Variants in EPS15 observed in about 807,000 individuals in gnomAD.
EPS15 encodes epidermal growth factor receptor substrate 15.
EPS15 carries 72 observed loss-of-function variants against 113.8 expected under a neutral mutation model. The ratio of observed to expected loss-of-function variants is 0.63; its 90% confidence interval spans 0.52 to 0.77. EPS15 has a LOEUF of 0.77. Ranked by LOEUF, EPS15 falls within the 30% of genes least tolerant of loss-of-function variation. The probability of loss-of-function intolerance (pLI) is 0.00; values close to 1 mark genes in which losing one functional copy is unlikely to be tolerated. For missense variants in EPS15, 1,048 were observed against 1,045.8 expected (o/e 1.00, Z -0.03); for synonymous variants, 344 against 363.4 (o/e 0.95, Z 0.61).
At chr1:51,502,349 A>G (rs1330298160) in intron 1 of EPS15, among the ~76,000 whole-genome samples, 1 of 152,152 alleles carries the variant, frequency 6.6e-6, no homozygotes, top group African/African-American at 2.4e-5. Flanking sequence ...TTTTAAAAAA[A>G]CCCTTTCAAA....
At chr1:51,358,565 G>A (rs1337068556) in intron 24 of EPS15, among the ~76,000 whole-genome samples, 4 of 152,094 alleles carry the variant, frequency 2.6e-5, no homozygotes, top group African/African-American at 4.8e-5. Context: ...ACTTTGAAAC[G>A]TGTAATGCTT....
Position 51,409,646 on chromosome 1 carries a change from C to A in EPS15, c.1164G>T (p.Gln388His), listed in dbSNP as rs750518752. Residue 388 changes from glutamine (Q) to histidine (H), a missense_variant, in exon 14 of 25, where the codon CAG becomes CAT. Coordinates refer to ENST00000371733, the MANE Select transcript of EPS15 (RefSeq NM_001981.3). Reference sequence around the variant, plus strand: ...GTTCCTGTACCTGCTGTTTCTGGGCCTGTAGTTTTTGCAGATTAGTATTCT... The same window carrying A: ...GTTCCTGTACCTGCTGTTTCTGGGCATGTAGTTTTTGCAGATTAGTATTCT... ...QRENTNLQKL[Q>H]AQKQQVQELL... The A allele has an allele frequency of 6.2e-7, 1 of 1,613,452 alleles. No homozygotes were observed. Among genetic ancestry groups the A allele is most frequent in the Admixed American group, 1.7e-5 (1 of 59,900 alleles).
At chr1:51,494,522 T>G (rs963839305) in intron 1 of EPS15, among the ~76,000 whole-genome samples, 1 of 152,234 alleles carries the variant, frequency 6.6e-6, no homozygotes, top group African/African-American at 2.4e-5. Context: ...TCTAAAAACT[T>G]TTCTTTGATG....
chr1:51,400,046 A>T (rs1648367628), intron 19 of EPS15, among the ~76,000 whole-genome samples: 1 of 152,230 alleles, frequency 6.6e-6, no homozygotes, highest in Non-Finnish European at 1.5e-5. Context: ...CGCTACCGTA[A>T]CTAAAGAAAA....
Position 51,508,288 on chromosome 1 carries a change from GAA to G in EPS15, c.33+10909_33+10910del, listed in dbSNP as rs1491347291. 1.4e-3 allele frequency among the ~76,000 whole-genome samples: 194 copies of G among 142,052 alleles called. 1 individual carries two copies. The highest frequency in any genetic ancestry group is 3.7e-3 in the African/African-American group (137 of 36,948). 93.2% of individuals were successfully genotyped at this position (142,052 alleles called of 152,430 possible). On this transcript the variant is annotated intron_variant, in intron 1 of 24. Transcript: ENST00000371733. ...AGAGAGAGAGAAAGAGAGAAAGAGA[GAA>G]AGAGAGAGAGAGAAAGAGAGAAAGA...
At chr1:51,462,831 T>TA (rs1428556492) in intron 7 of EPS15, among the ~76,000 whole-genome samples, 3 of 149,022 alleles carry the variant, frequency 2.0e-5, no homozygotes, top group Admixed American at 6.7e-5. Flanking sequence ...TTTATCACAG[T>TA]AAAAAAATTG....
intron 1 of EPS15, among the ~76,000 whole-genome samples, chr1:51,489,373 G>C (rs1644190316): frequency 6.7e-6 from 1 of 149,898 alleles, no homozygotes; most frequent in Non-Finnish European, 1.5e-5. Context: ...CCAGGTTAGA[G>C]TGCAATCACG....
chr1:51,492,399 A>G (rs944997180), intron 1 of EPS15, among the ~76,000 whole-genome samples: 5 of 152,234 alleles, frequency 3.3e-5, no homozygotes, highest in African/African-American at 7.2e-5. Context: ...GAAAGTTTTC[A>G]AAATCCAGAT....
At chr1:51,419,164 T>A (rs1198804821) in intron 13 of EPS15, among the ~76,000 whole-genome samples, 2 of 152,148 alleles carry the variant, frequency 1.3e-5, no homozygotes, top group East Asian at 3.9e-4. Context: ...CCCCTTGGAA[T>A]TGGATCACTT....
At chr1:51,363,779 G>T in intron 23 of EPS15, 87 bp downstream of exon 23, 2 of 1,260,380 alleles carry the variant, frequency 1.6e-6, no homozygotes, top group Non-Finnish European at 2.2e-6. Context: ...TTCACTTAAA[G>T]CCATTTATAT....
Position 51,354,332 on chromosome 1 carries a change from G to A in EPS15, c.*2368C>T. ...AAACCCTTTACATATATTAATCTGTGCTGATTGTATGTACCTACTCCTCCT... is the reference window on the plus strand; with the variant it reads ...AAACCCTTTACATATATTAATCTGTACTGATTGTATGTACCTACTCCTCCT... On this transcript the variant is annotated 3_prime_UTR_variant, in exon 25 of 25. Coordinates refer to ENST00000371733, the MANE Select transcript of EPS15 (RefSeq NM_001981.3). 5.6e-6 allele frequency: 1 copy of A among 179,320 alleles called. No homozygotes were observed. The highest frequency in any genetic ancestry group is 1.2e-5 in the Non-Finnish European group (1 of 83,672). 11.1% of individuals were successfully genotyped at this position (179,320 alleles called of 1,614,324 possible).
intron 12 of EPS15, among the ~76,000 whole-genome samples, chr1:51,439,967 C>G (rs1272062956): frequency 6.6e-6 from 1 of 151,996 alleles, no homozygotes; most frequent in Non-Finnish European, 1.5e-5. Context: ...ATTCAAATAT[C>G]TAAGGTTGGA....
intron 10 of EPS15, among the ~76,000 whole-genome samples, chr1:51,446,489 T>G (rs1570322691): frequency 6.6e-6 from 1 of 151,586 alleles, no homozygotes; most frequent in African/African-American, 2.4e-5. Context: ...GTTTCATTCT[T>G]GTTGCCCAGG....
chr1:51,367,401 A>G (rs1045992740), intron 21 of EPS15, among the ~76,000 whole-genome samples: 2 of 152,148 alleles, frequency 1.3e-5, no homozygotes, highest in East Asian at 3.9e-4. Flanking sequence ...AAAATACAAA[A>G]AATTAGCTGG....
intron 21 of EPS15, among the ~76,000 whole-genome samples, chr1:51,394,046 T>C (rs1647661789): frequency 6.6e-6 from 1 of 152,362 alleles, no homozygotes; most frequent in Admixed American, 6.5e-5. Flanking sequence ...AAGCCACTAA[T>C]CTTTTAACTT....
rs112186532 is a variant in EPS15 at position 51,369,396 on chromosome 1, T to C, written c.2120-3367A>G. On this transcript the variant is annotated intron_variant, in intron 21 of 24. Coordinates refer to ENST00000371733, the MANE Select transcript of EPS15 (RefSeq NM_001981.3). ...CTGGGGGGAGTTCCAGAAACACTTT[T>C]AGAGAAACCATGCAGGTGACTTTCT... Among the ~76,000 whole-genome samples, 1,078 of 152,268 alleles carry C rather than the reference T, an allele frequency of 7.1e-3. 7 individuals carry two copies. The highest frequency in any genetic ancestry group is 0.025 in the African/African-American group (1,035 of 41,544).
chr1:51,364,361 G>C (rs1315223247), intron 22 of EPS15, among the ~76,000 whole-genome samples: 1 of 151,994 alleles, frequency 6.6e-6, no homozygotes, highest in African/African-American at 2.4e-5. Flanking sequence ...ATGCCTTTCC[G>C]CAAACGAATA....
intron 8 of EPS15, among the ~76,000 whole-genome samples, chr1:51,453,126 T>A (rs1653709516): frequency 6.6e-6 from 1 of 152,158 alleles, no homozygotes; most frequent in African/African-American, 2.4e-5. Flanking sequence ...TCCAACCAAA[T>A]TCACAATATA....
intron 21 of EPS15, among the ~76,000 whole-genome samples, chr1:51,370,322 T>G (rs956020611): frequency 2.0e-5 from 3 of 152,196 alleles, no homozygotes; most frequent in Non-Finnish European, 4.4e-5. Flanking sequence ...CTGAAATGCT[T>G]GGGAGAAGGA....
Sources: allele counts gnomAD v4.1 joint callset (sites outside exome capture counted in the v4.1 genomes callset), GRCh38; gene constraint gnomAD v4.1.1; transcripts MANE v1.5; gene names NCBI Gene and HGNC (gene_info 2026-07-23, HGNC 2026-07-21).